EDA: variants seen among roughly 807,000 people sequenced by gnomAD.
EDA encodes the protein ectodysplasin-A.
A neutral mutation model predicts 23.6 loss-of-function variants in EDA; 2 were observed. That is an observed-to-expected ratio of 0.08 (90% confidence interval 0.03 to 0.27). The LOEUF (loss-of-function observed/expected upper bound fraction) is 0.27. Ranked by LOEUF, EDA falls within the 10% of genes least tolerant of loss-of-function variation. The pLI is 1.00. For missense variants in EDA, 229 were observed against 324.2 expected (o/e 0.71, Z 2.26); for synonymous variants, 131 against 132.0 (o/e 0.99, Z 0.05).
At chrX:69,648,164 A>G (rs1007415607) in intron 1 of EDA, among the ~76,000 whole-genome samples, 2 of 111,926 alleles carry the variant, frequency 1.8e-5, no homozygotes, top group African/African-American at 6.5e-5. Context: ...CTTAGTCAGG[A>G]AGAATGGGAT....
chrX:69,724,795 C>A (rs773827586), intron 1 of EDA, among the ~76,000 whole-genome samples: 1 of 111,864 alleles, frequency 8.9e-6, no homozygotes, highest in Admixed American at 9.5e-5. Context: ...ATGTACTGTT[C>A]TTTGATGGCA....
intron 1 of EDA, chrX:69,620,423 A>G (rs181711948): frequency 4.1e-4 from 48 of 116,194 alleles, no homozygotes; most frequent in Non-Finnish European, 2.8e-4. Context: ...TAGATAGACC[A>G]TTAGTGTATC....
At chrX:69,817,001 C>T (rs1339818717) in intron 1 of EDA, among the ~76,000 whole-genome samples, 1 of 111,451 alleles carries the variant, frequency 9.0e-6, no homozygotes, top group African/African-American at 3.3e-5. Flanking sequence ...ACCCATCATA[C>T]TAACAGCGGA....
chrX:69,683,724 A>C (rs191257719), intron 1 of EDA, among the ~76,000 whole-genome samples: 1 of 111,827 alleles, frequency 8.9e-6, no homozygotes, highest in Non-Finnish European at 1.9e-5. Context: ...CTCAATAGAC[A>C]TTTGCTGATT....
chrX:69,793,578 T>G (rs1184914541), intron 1 of EDA, among the ~76,000 whole-genome samples: 7 of 101,967 alleles, frequency 6.9e-5, no homozygotes, highest in Non-Finnish European at 1.2e-4. Context: ...TTGTTTTTTT[T>G]TTTTTTTTTT....
chrX:69,669,451 T>C (rs11798253), intron 1 of EDA, among the ~76,000 whole-genome samples: 5,383 of 111,338 alleles, frequency 0.048, 127 homozygotes, highest in Middle Eastern at 0.093. Context: ...TGTAGGTTTT[T>C]GTTTTATGTT....
chrX:69,937,720 T>C, intron 1 of EDA: 11 of 1,183,124 alleles, frequency 9.3e-6, no homozygotes, highest in Non-Finnish European at 8.0e-6. Flanking sequence ...AAATTAAATT[T>C]AAAATTAAAC....
intron 1 of EDA, among the ~76,000 whole-genome samples, chrX:69,752,395 G>A (rs1032061551): frequency 3.9e-4 from 44 of 111,651 alleles, no homozygotes; most frequent in Admixed American, 5.7e-4. Context: ...ATTTGCGTAC[G>A]TTGAACCAGC....
intron 1 of EDA, among the ~76,000 whole-genome samples, chrX:69,877,731 A>C (rs2147616082): frequency 8.9e-6 from 1 of 112,335 alleles, no homozygotes; most frequent in South Asian, 3.7e-4. Context: ...GTCATATCTA[A>C]GAAATCTCTC....
chrX:70,023,178 A>G, intron 2 of EDA, 40 bp from the exon 3 acceptor site: 1 of 936,734 alleles, frequency 1.1e-6, no homozygotes, highest in Non-Finnish European at 1.5e-6. Flanking sequence ...TTTTCTGTTC[A>G]TTTCCAATGA....
At chrX:69,866,353 C>G (rs1175720973) in intron 1 of EDA, among the ~76,000 whole-genome samples, 1 of 111,663 alleles carries the variant, frequency 9.0e-6, no homozygotes, top group Non-Finnish European at 1.9e-5. Flanking sequence ...AACACTGTAA[C>G]TCCCCTTTTA....
chrX:69,727,696 G>A (rs1190734624), intron 1 of EDA, among the ~76,000 whole-genome samples: 6 of 111,846 alleles, frequency 5.4e-5, no homozygotes, highest in Non-Finnish European at 1.1e-4. Context: ...CACCATCCTT[G>A]TCTAAACTTA....
chrX:69,804,780 T>C (rs2015775260), intron 1 of EDA, among the ~76,000 whole-genome samples: 1 of 111,528 alleles, frequency 9.0e-6, no homozygotes, highest in Non-Finnish European at 1.9e-5. Flanking sequence ...TTAAAACCTG[T>C]TTCCAAAATA....
At chrX:69,787,285 A>G (rs1234467132) in intron 1 of EDA, among the ~76,000 whole-genome samples, 3 of 99,859 alleles carry the variant, frequency 3.0e-5, no homozygotes, top group South Asian at 4.9e-4. Flanking sequence ...CATTTAGTCC[A>G]TTTACATTTA....
intron 1 of EDA, among the ~76,000 whole-genome samples, chrX:69,723,168 G>T (rs1437968473): frequency 8.9e-6 from 1 of 111,975 alleles, no homozygotes; most frequent in Non-Finnish European, 1.9e-5. Context: ...CATTCTTAAT[G>T]CAGTTTCTGG....
At chrX:69,626,535 A>G (rs1030809424) in intron 1 of EDA, among the ~76,000 whole-genome samples, 2 of 112,185 alleles carry the variant, frequency 1.8e-5, no homozygotes, top group African/African-American at 3.2e-5. Flanking sequence ...AAGTGAAGGA[A>G]GTTAGTCACA....
Position 70,036,262 on chromosome X carries a change from T to C in EDA, c.*653T>C, listed in dbSNP as rs896083434. ...GCAGCTTGCTGGGCTTTGGGAAGTT[T>C]GCTGTGCTTTGGAACAATCACAGGG... is the stretch of plus-strand genomic sequence containing the variant. On this transcript the variant is annotated 3_prime_UTR_variant, in exon 8 of 8. Transcript: ENST00000374552. 2.7e-5 allele frequency: 3 copies of C among 112,557 alleles called. No individual in the cohort carries two copies. The highest frequency in any genetic ancestry group is 9.7e-5 in the African/African-American group (3 of 30,833). The allele number at this position is 112,557 out of a possible 1,213,427, so 9.3% of individuals were successfully genotyped here. A position where few individuals can be genotyped will look rare whatever the true frequency, so the allele number is the denominator to read the frequency against.
intron 1 of EDA, among the ~76,000 whole-genome samples, chrX:69,701,989 A>G (rs767987035): frequency 5.6e-4 from 62 of 111,139 alleles, no homozygotes; most frequent in African/African-American, 2.0e-3. Flanking sequence ...TTCTGGGGTG[A>G]GGGTGGAAGA....
intron 2 of EDA, among the ~76,000 whole-genome samples, chrX:70,019,744 C>T (rs1035957667): frequency 9.0e-6 from 1 of 111,211 alleles, no homozygotes; most frequent in African/African-American, 3.3e-5. Flanking sequence ...GGCCTTCTTG[C>T]GAGTGGAGAG....
Sources: gnomAD v4.1 joint callset for allele counts (sites outside exome capture counted in the v4.1 genomes callset) on GRCh38, gnomAD v4.1.1 for gene constraint, MANE v1.5 for transcripts, NCBI Gene and HGNC (gene_info 2026-07-23, HGNC 2026-07-21) for gene names.